FBLN1: variants seen among roughly 807,000 people sequenced by gnomAD.
FBLN1 encodes fibulin-1.
FBLN1 carries 34 observed loss-of-function variants against 89.7 expected under a neutral mutation model. The ratio of observed to expected loss-of-function variants is 0.38; its 90% CI spans 0.29 to 0.50. FBLN1 has a LOEUF of 0.50. Ranked by LOEUF, FBLN1 falls within the 20% of genes least tolerant of loss-of-function variation. The probability of loss-of-function intolerance (pLI) is 0.92; values close to 1 mark genes in which losing one functional copy is unlikely to be tolerated. For missense variants in FBLN1, 777 were observed against 988.1 expected (o/e 0.79, Z 2.86); for synonymous variants, 393 against 391.3 (o/e 1.00, Z -0.05).
intron 16 of FBLN1, among the ~76,000 whole-genome samples, chr22:45,586,316 C>T (rs981040558): frequency 2.6e-5 from 4 of 152,220 alleles, no homozygotes; most frequent in South Asian, 2.1e-4. Context: ...CTGCCGTGGC[C>T]GCCTCTGCAG....
At position 45,549,518 on chromosome 22, in the gene FBLN1, G is replaced by A. The variant is rs905623709; in HGVS notation, c.1573+774G>A. On this transcript the variant is annotated intron_variant, in intron 13 of 16. Transcript: ENST00000327858. This position sits in a 1 kb window ranked among gnomAD's most constrained non-coding sequence, Gnocchi z 5.7. ...CGGTGTTTCCTGGGAGGCCCCCTCC[G>A]CTTGCCCTGGGCTCTGGATGGAAGG... Among the ~76,000 whole-genome samples the A allele has an allele frequency of 2.0e-5, 3 of 152,274 alleles. No individual in the cohort carries two copies. Among genetic ancestry groups the A allele is most frequent in the Admixed American group, 1.3e-4 (2 of 15,298 alleles).
At chr22:45,506,726 C>G (rs1194897212) in intron 1 of FBLN1, among the ~76,000 whole-genome samples, 1 of 152,178 alleles carries the variant, frequency 6.6e-6, no homozygotes, top group African/African-American at 2.4e-5. Context: ...CCAGTTCCTT[C>G]CAGTTCCACC....
chr22:45,593,881 A>AGGGCCT (rs1054620302), intron 16 of FBLN1, among the ~76,000 whole-genome samples: 11 of 152,144 alleles, frequency 7.2e-5, no homozygotes, highest in Non-Finnish European at 1.5e-4. Context: ...TGGGCCTGCC[A>AGGGCCT]GGGCCTGGGT....
rs781588139 is a variant in FBLN1, at chr22:45,548,647, C to T, written c.1476C>T (p.His492=). Residue 492 remains histidine (H), a synonymous_variant, in exon 13 of 17, where the codon CAC becomes CAT. Coordinates refer to ENST00000327858, the MANE Select transcript of FBLN1 (RefSeq NM_006486.3). ...IDECALPTGG[H]ICSYRCINIP... is the part of the protein sequence containing the mutation. The stretch of plus-strand genomic sequence containing the variant: ...AGTGCGCCCTGCCCACCGGGGGCCA[C>T]ATCTGCTCCTACCGCTGCATCAACA... 4.3e-6 allele frequency: 7 copies of T among 1,613,820 alleles called. No homozygotes were observed. The highest frequency in any genetic ancestry group is 2.2e-5 in the East Asian group (1 of 44,888).
intron 8 of FBLN1, 56 bp from the exon 9 acceptor site, chr22:45,541,173 G>A: frequency 1.9e-6 from 3 of 1,612,392 alleles, no homozygotes; most frequent in Non-Finnish European, 2.5e-6. Flanking sequence ...CCAGTTTTTG[G>A]GTTCTGGGAC....
chr22:45,522,976 G>A (rs1380703517), intron 2 of FBLN1: 3 of 539,882 alleles, frequency 5.6e-6, no homozygotes, highest in Non-Finnish European at 6.9e-6. Flanking sequence ...TATAGGGGAT[G>A]CAGAATGCAA....
intron 16 of FBLN1, among the ~76,000 whole-genome samples, chr22:45,599,083 C>G (rs1315279217): frequency 4.6e-5 from 7 of 152,182 alleles, no homozygotes; most frequent in African/African-American, 1.4e-4. Context: ...ACTCCCTTAC[C>G]CGCTAACCCG....
At position 45,576,935 on chromosome 22, in the gene FBLN1, G is replaced by A. The variant is rs1295605851; in HGVS notation, c.1841-42G>A. 2 of 1,611,420 alleles carry A rather than the reference G, an allele frequency of 1.2e-6. No individual in the cohort carries two copies. Among genetic ancestry groups the A allele is most frequent in the Non-Finnish European group, 8.5e-7 (1 of 1,179,858 alleles). ...GGACGAGGCTGGGACTGGGGCTGGGGCCAGGCTGTGCTGAGCCCTTCTCCA... is the reference window on the plus strand; with the variant it reads ...GGACGAGGCTGGGACTGGGGCTGGGACCAGGCTGTGCTGAGCCCTTCTCCA... On this transcript the variant is annotated intron_variant, in intron 15 of 16. Coordinates refer to ENST00000327858, the MANE Select transcript of FBLN1 (RefSeq NM_006486.3). This position sits in a 1 kb window ranked among gnomAD's most constrained non-coding sequence, Gnocchi z 5.2.
chr22:45,565,440 C>T (rs2088894072), intron 14 of FBLN1: 1 of 423,350 alleles, frequency 2.4e-6, no homozygotes, highest in Non-Finnish European at 4.1e-6. Flanking sequence ...CCATGCTGTC[C>T]CCCTGCAGAC....
In FBLN1 at chr22:45,545,158, C is replaced by T. The variant is rs2088610490; in HGVS notation, c.1321+1632C>T. On this transcript the variant is annotated intron_variant, in intron 11 of 16. Coordinates refer to ENST00000327858, the MANE Select transcript of FBLN1 (RefSeq NM_006486.3). The surrounding 1 kb of genome is among the most constrained non-coding windows in gnomAD (Gnocchi z 5.9). ...TCGGAGGACGGACGGTGTGAGGGGT[C>T]CTGGGCTTAGTTCACAAGAACGTGT... Among the ~76,000 whole-genome samples, 1 of 152,116 alleles carries T rather than the reference C, an allele frequency of 6.6e-6. No individual in the cohort carries two copies. Among genetic ancestry groups the T allele is most frequent in the African/African-American group, 2.4e-5 (1 of 41,418 alleles).
chr22:45,570,345 G>GAAAAAAAAAAAAAAAAAAAAA (rs2088941925), intron 14 of FBLN1, among the ~76,000 whole-genome samples: 1 of 62,860 alleles, frequency 1.6e-5, no homozygotes, highest in Non-Finnish European at 3.2e-5. Flanking sequence ...AAAAAGAAAA[G>GAAAAAAAAAAAAAAAAAAAAA]AAAAGAAAAG....
intron 14 of FBLN1, among the ~76,000 whole-genome samples, chr22:45,555,300 T>C (rs978593085): frequency 5.4e-5 from 8 of 147,170 alleles, no homozygotes; most frequent in Non-Finnish European, 1.2e-4. Context: ...TAAAATGGAA[T>C]ATATATATGG....
At chr22:45,510,158 C>G (rs1385292485) in intron 1 of FBLN1, among the ~76,000 whole-genome samples, 3 of 152,174 alleles carry the variant, frequency 2.0e-5, no homozygotes, top group Non-Finnish European at 4.4e-5. Context: ...ATTCAACCAC[C>G]ATCTCATATC....
Position 45,577,065 on chromosome 22 carries a change from C to T in FBLN1, c.1929C>T (p.Asp643=). 1 of 1,614,174 alleles carries T rather than the reference C, an allele frequency of 6.2e-7. No individual in the cohort carries two copies. Among genetic ancestry groups the T allele is most frequent in the Non-Finnish European group, 8.5e-7 (1 of 1,180,028 alleles). The change falls in exon 16 of 17, where the codon GAC becomes GAT. Residue 643 remains aspartate, a synonymous_variant. Coordinates refer to ENST00000327858, the MANE Select transcript of FBLN1 (RefSeq NM_006486.3). This position sits in a 1 kb window ranked among gnomAD's most constrained non-coding sequence, Gnocchi z 6.6. ...IFDITEGNLR[D]SFDIIKRYMD... ...ACATCACGGAAGGGAACCTGCGGGA[C>T]TCTTTTGACATCATCAAGCGTTACA...
intron 14 of FBLN1, among the ~76,000 whole-genome samples, chr22:45,566,840 C>G (rs569554303): frequency 6.6e-6 from 1 of 152,322 alleles, no homozygotes; most frequent in East Asian, 1.9e-4. Context: ...ACTAGTAAAT[C>G]AAGCTCCCAA....
rs1253868942 is a variant in FBLN1, at chr22:45,574,474, C to T, written c.1698-37C>T. The stretch of plus-strand genomic sequence containing the variant: ...GCCCCTGTGGGAGCTGCTGTCCCAG[C>T]TTCCCCGTCAGCCTCGTGTGCTGTG... On this transcript the variant is annotated intron_variant, in intron 14 of 16. Transcript: ENST00000327858. The surrounding 1 kb of genome is among the most constrained non-coding windows in gnomAD (Gnocchi z 4.1). The T allele has an allele frequency of 6.2e-7, 1 of 1,613,512 alleles. No homozygotes were observed. The highest frequency in any genetic ancestry group is 1.3e-5 in the African/African-American group (1 of 74,926).
intron 7 of FBLN1, 65 bp from the exon 8 acceptor site, chr22:45,535,135 A>G (rs111940132): frequency 1.9e-6 from 3 of 1,586,028 alleles, no homozygotes; most frequent in African/African-American, 1.3e-5. Flanking sequence ...TTGTGATTTT[A>G]AAGTGTTGTA....
chr22:45,515,837 C>T (rs1243164321), intron 1 of FBLN1, among the ~76,000 whole-genome samples: 1 of 152,236 alleles, frequency 6.6e-6, no homozygotes, highest in Non-Finnish European at 1.5e-5. Context: ...AGAGGCGGCG[C>T]TGCCTGCCCA....
chr22:45,600,189 C>T (rs2089219211), intron 16 of FBLN1, 118 bp from the exon 17 acceptor site: 1 of 1,228,332 alleles, frequency 8.1e-7, no homozygotes, highest in East Asian at 2.3e-5. Flanking sequence ...TAGGATGGGA[C>T]TCCATGAGGT....
Sources: allele counts gnomAD v4.1 joint callset (sites outside exome capture counted in the v4.1 genomes callset), GRCh38; gene constraint gnomAD v4.1.1; non-coding constraint Gnocchi (gnomAD v3.1); transcripts MANE v1.5; gene names NCBI Gene and HGNC (gene_info 2026-07-23, HGNC 2026-07-21).